The following PLEKHG3 variants were observed in gnomAD, a reference collection of about 807,000 sequenced individuals.
The protein encoded by PLEKHG3 is pleckstrin homology domain-containing family G member 3.
In PLEKHG3, 62 loss-of-function variants were observed where a neutral mutation model predicts 94.9. That is an observed-to-expected ratio of 0.65 (90% CI 0.53 to 0.81). PLEKHG3 has a LOEUF of 0.81. PLEKHG3 is among the 30% of genes least tolerant of loss of function. PLEKHG3 has a pLI of 0.00. For missense variants in PLEKHG3, 1,461 were observed against 1,619.3 expected (o/e 0.90, Z 1.68); for synonymous variants, 614 against 654.0 (o/e 0.94, Z 0.93).
Position 64,742,161 on chromosome 14 carries a change from C to T in PLEKHG3, c.2644C>T (p.Arg882Trp), listed in dbSNP as rs150951361. The change falls in exon 16 of 17, where the codon CGG becomes TGG. Residue 882 changes from arginine to tryptophan, a missense_variant. Coordinates refer to ENST00000247226, the MANE Select transcript of PLEKHG3 (RefSeq NM_001308147.2). ...GGGGCGCAGCCCGGCCCACCTGGCC[C>T]GGGAGCTGAAAGAGCTGGTGAAGGA... ...TEGRSPAHLA[R>W]ELKELVKELS... is the part of the protein sequence containing the mutation. The T allele has an allele frequency of 6.8e-5, 110 of 1,612,258 alleles. No homozygotes were observed. In the East Asian group the frequency reaches 7.6e-4, roughly 11 times the overall value.
At chr14:64,714,363 G>T (rs2081105229) in intron 1 of PLEKHG3, among the ~76,000 whole-genome samples, 1 of 152,184 alleles carries the variant, frequency 6.6e-6, no homozygotes, top group Non-Finnish European at 1.5e-5. Flanking sequence ...TTACAATACA[G>T]GTCTCTCTGC....
chr14:64,733,084 G>A (rs147163123), intron 12 of PLEKHG3, among the ~76,000 whole-genome samples, 183 bp downstream of exon 12: 97 of 150,772 alleles, frequency 6.4e-4, no homozygotes, highest in Non-Finnish European at 1.3e-3. Flanking sequence ...CCCCACACCA[G>A]GTACCCCTGG....
In PLEKHG3 at chr14:64,741,745, C is replaced by A; in HGVS notation, c.2228C>A (p.Ser743Tyr). ...AGCGTCCGTCGCCGGGAGAGCCTCT[C>A]CTACATCCCCAAAGGACTGGTAAGA... ...GFSVRRRESL[S>Y]YIPKGLVRNS... is the part of the protein sequence containing the mutation. The change falls in exon 16 of 17, where the codon TCC becomes TAC. Residue 743 changes from serine to tyrosine, a missense_variant. Physicochemically the swap from Ser to Tyr is moderately radical, Grantham distance 144 (BLOSUM62 -2). Coordinates refer to ENST00000247226, the MANE Select transcript of PLEKHG3 (RefSeq NM_001308147.2). 1 of 1,613,188 alleles carries A rather than the reference C, an allele frequency of 6.2e-7. No individual in the cohort carries two copies. The highest frequency in any genetic ancestry group is 8.5e-7 in the Non-Finnish European group (1 of 1,180,032).
Position 64,726,905 on chromosome 14 carries a change from T to C in PLEKHG3, c.-39-688T>C, listed in dbSNP as rs900634511. On this transcript the variant is annotated intron_variant, in intron 1 of 16. Transcript: ENST00000247226. The surrounding 1 kb of genome is among the most constrained non-coding windows in gnomAD (Gnocchi z 5.1). ...CTTAGGGAGAATATTACCCCTGTTA[T>C]GTGTCTTGTCTTAACATTGTAAGAA... Among the ~76,000 whole-genome samples the C allele has an allele frequency of 2.6e-5, 4 of 152,196 alleles. No homozygotes were observed. The highest frequency in any genetic ancestry group is 2.0e-4 in the Admixed American group (3 of 15,288).
intron 12 of PLEKHG3, among the ~76,000 whole-genome samples, chr14:64,733,138 T>TTTTTCTTTTC (rs146131753): frequency 4.7e-5 from 7 of 150,468 alleles, no homozygotes; most frequent in African/African-American, 1.2e-4. Context: ...TTTTCTTACT[T>TTTTTCTTTTC]TTTTCTTTTC....
Position 64,739,343 on chromosome 14 carries a change from C to T in PLEKHG3, c.1518+488C>T, listed in dbSNP as rs1412198102. ...GAAAAGGGCACTGAGTGGTTGATGG[C>T]GTGCCTAACACTGAGCAGCTTCTGA... On this transcript the variant is annotated intron_variant, in intron 15 of 16. Coordinates refer to ENST00000247226, the MANE Select transcript of PLEKHG3 (RefSeq NM_001308147.2). The surrounding 1 kb of genome is among the most constrained non-coding windows in gnomAD (Gnocchi z 4.1). Among the ~76,000 whole-genome samples, 1 of 152,170 alleles carries T rather than the reference C, an allele frequency of 6.6e-6. No homozygotes were observed. The highest frequency in any genetic ancestry group is 1.5e-5 in the Non-Finnish European group (1 of 68,034).
At position 64,738,566 on chromosome 14, in the gene PLEKHG3, G is replaced by A. The variant is rs999666910; in HGVS notation, c.1405-176G>A. On this transcript the variant is annotated intron_variant, in intron 14 of 16. Transcript: ENST00000247226. The surrounding 1 kb of genome is among the most constrained non-coding windows in gnomAD (Gnocchi z 4.8). The stretch of plus-strand genomic sequence containing the variant: ...TTTTTGAAGCTGCATGCCTGACAAG[G>A]CTTTCCGCAGCCCCAGGCCTGGCAG... 2.0e-5 allele frequency among the ~76,000 whole-genome samples: 3 copies of A among 152,222 alleles called. No homozygotes were observed. Among genetic ancestry groups the A allele is most frequent in the African/African-American group, 7.2e-5 (3 of 41,446 alleles).
At chr14:64,737,226 G>T (rs1475725177) in intron 13 of PLEKHG3, 130 bp from the exon 14 acceptor site, 3 of 730,222 alleles carry the variant, frequency 4.1e-6, no homozygotes, top group East Asian at 5.3e-5. Context: ...AGGGTTCTGG[G>T]AGCAGGAGCC....
In PLEKHG3 at chr14:64,750,163, A is replaced by G; in HGVS notation, c.*6460A>G. 1 of 1,609,272 alleles carries G rather than the reference A, an allele frequency of 6.2e-7. No homozygotes were observed. On this transcript the variant is annotated 3_prime_UTR_variant, in exon 17 of 17. Transcript: ENST00000247226. Reference sequence around the variant, plus strand: ...ACAGGTTGTTCCAGGACCTGCAAAGATGCAGACAGGCAGGTCACCCACATC... The same window carrying G: ...ACAGGTTGTTCCAGGACCTGCAAAGGTGCAGACAGGCAGGTCACCCACATC...
In PLEKHG3 at chr14:64,745,538, G is replaced by T. The variant is rs1003444828; in HGVS notation, c.*1835G>T. The T allele has an allele frequency of 2.0e-5, 3 of 152,428 alleles. No homozygotes were observed. The highest frequency in any genetic ancestry group is 4.8e-5 in the African/African-American group (2 of 41,458). 9.4% of individuals were successfully genotyped at this position (152,428 alleles called of 1,614,324 possible). A position where few individuals can be genotyped will look rare whatever the true frequency, so the allele number is the denominator to read the frequency against. The stretch of plus-strand genomic sequence containing the variant: ...CGCAGTGGTGCAATCTTGGCTCACT[G>T]CAACCTCCGCCTCCCTGACCCTCAC... On this transcript the variant is annotated 3_prime_UTR_variant, in exon 17 of 17. Transcript: ENST00000247226. The surrounding 1 kb of genome is among the most constrained non-coding windows in gnomAD (Gnocchi z 5.0).
chr14:64,746,548 G>A lies in PLEKHG3; in HGVS notation c.*2845G>A, dbSNP rs1320093183. The A allele has an allele frequency of 6.6e-6, 1 of 152,614 alleles. No homozygotes were observed. Among genetic ancestry groups the A allele is most frequent in the East Asian group, 1.9e-4 (1 of 5,188 alleles). 9.5% of individuals were successfully genotyped at this position (152,614 alleles called of 1,614,324 possible). On this transcript the variant is annotated 3_prime_UTR_variant, in exon 17 of 17. Coordinates refer to ENST00000247226, the MANE Select transcript of PLEKHG3 (RefSeq NM_001308147.2). The surrounding 1 kb of genome is among the most constrained non-coding windows in gnomAD (Gnocchi z 4.9). Reference sequence around the variant, plus strand: ...TGCCCCCCTCCCATGAAGGGAGGAAGAGGATTCAGGGTCAGCCTAGGGGAC... The same window carrying A: ...TGCCCCCCTCCCATGAAGGGAGGAAAAGGATTCAGGGTCAGCCTAGGGGAC...
Position 64,723,564 on chromosome 14 carries a change from G to A in PLEKHG3, c.-39-4029G>A, listed in dbSNP as rs1423632758. Among the ~76,000 whole-genome samples the A allele has an allele frequency of 6.6e-6, 1 of 151,782 alleles. No individual in the cohort carries two copies. Among genetic ancestry groups the A allele is most frequent in the Non-Finnish European group, 1.5e-5 (1 of 67,934 alleles). ...CACCCAGGCTGGAGTACAGTGGCGC[G>A]ATCTCAGCTCACTGAAACATCTGCC... On this transcript the variant is annotated intron_variant, in intron 1 of 16. Transcript: ENST00000247226. This position sits in a 1 kb window ranked among gnomAD's most constrained non-coding sequence, Gnocchi z 4.5.
rs1011045970 is a variant in PLEKHG3 at position 64,739,097 on chromosome 14, A to G, written c.1518+242A>G. 3.3e-5 allele frequency among the ~76,000 whole-genome samples: 5 copies of G among 152,192 alleles called. No homozygotes were observed. The highest frequency in any genetic ancestry group is 1.9e-4 in the East Asian group (1 of 5,196). ...CTCCCCTTTGGGCAGATGCAGTCCCATGTCAAGGGCACGCAGCTAGTGGAA... is the reference window on the plus strand; with the variant it reads ...CTCCCCTTTGGGCAGATGCAGTCCCGTGTCAAGGGCACGCAGCTAGTGGAA... On this transcript the variant is annotated intron_variant, in intron 15 of 16. Coordinates refer to ENST00000247226, the MANE Select transcript of PLEKHG3 (RefSeq NM_001308147.2). The surrounding 1 kb of genome is among the most constrained non-coding windows in gnomAD (Gnocchi z 4.1).
intron 1 of PLEKHG3, among the ~76,000 whole-genome samples, chr14:64,719,211 G>A (rs1212607946): frequency 4.6e-5 from 7 of 152,152 alleles, no homozygotes; most frequent in Non-Finnish European, 8.8e-5. Context: ...AGGTCATGCT[G>A]GTTCACCAAG....
rs773313675 is a variant in PLEKHG3 at position 64,741,417 on chromosome 14, C to CTGGTCAGCCGGAGCAGCAGCG, written c.1903_1923dup (p.Val635_Val641dup). 4.5e-5 allele frequency: 72 copies of CTGGTCAGCCGGAGCAGCAGCG among 1,612,902 alleles called. No individual in the cohort carries two copies. In the African/African-American group the frequency reaches 8.0e-4, roughly 18 times the overall value. On this transcript the variant is annotated inframe_insertion, in exon 16 of 17. Coordinates refer to ENST00000247226, the MANE Select transcript of PLEKHG3 (RefSeq NM_001308147.2). The stretch of plus-strand genomic sequence containing the variant: ...GTCCAGTGGCTTTGGGAGCCCGCGG[C>CTGGTCAGCCGGAGCAGCAGCG]TGGTCAGCCGGAGCAGCAGCGTGCT...
chr14:64,729,721 G>A lies in PLEKHG3; in HGVS notation c.450-522G>A, dbSNP rs559062676. Among the ~76,000 whole-genome samples, 160 of 152,276 alleles carry A rather than the reference G, an allele frequency of 1.1e-3. 3 individuals carry two copies. In the South Asian group the frequency reaches 0.033, roughly 31 times the overall value. Reference sequence around the variant, plus strand: ...GGCAGAGGGAGCTCTGGCTGTGTAAGCTGGAGAAGTCTGGGAGGGCAGGGT... The same window carrying A: ...GGCAGAGGGAGCTCTGGCTGTGTAAACTGGAGAAGTCTGGGAGGGCAGGGT... On this transcript the variant is annotated intron_variant, in intron 3 of 16. Transcript: ENST00000247226.
rs758408302 is a variant in PLEKHG3, at chr14:64,727,404, G to A, written c.-39-189G>A. 4.5e-4 allele frequency among the ~76,000 whole-genome samples: 68 copies of A among 152,142 alleles called. No homozygotes were observed. Among genetic ancestry groups the A allele is most frequent in the Non-Finnish European group, 7.5e-4 (51 of 68,020 alleles). On this transcript the variant is annotated intron_variant, in intron 1 of 16. Coordinates refer to ENST00000247226, the MANE Select transcript of PLEKHG3 (RefSeq NM_001308147.2). The surrounding 1 kb of genome is among the most constrained non-coding windows in gnomAD (Gnocchi z 6.0). Reference sequence around the variant, plus strand: ...TAAGTGTACAGTTCAGTGACAGTAGGTACATTCATATCATTGTGCAATGTC... The same window carrying A: ...TAAGTGTACAGTTCAGTGACAGTAGATACATTCATATCATTGTGCAATGTC...
At chr14:64,736,309 G>A (rs931590576) in intron 12 of PLEKHG3, among the ~76,000 whole-genome samples, 18 of 152,224 alleles carry the variant, frequency 1.2e-4, no homozygotes, top group Admixed American at 9.2e-4. Context: ...CCGTACAGCC[G>A]GGCAACTCTC....
Position 64,716,580 on chromosome 14 carries a change from G to T in PLEKHG3, c.-39-11013G>T, listed in dbSNP as rs2081167089. 7.0e-6 allele frequency among the ~76,000 whole-genome samples: 1 copy of T among 142,208 alleles called. No individual in the cohort carries two copies. Among genetic ancestry groups the T allele is most frequent in the South Asian group, 2.2e-4 (1 of 4,542 alleles). 93.3% of individuals were successfully genotyped at this position (142,208 alleles called of 152,430 possible). ...CAGAGTTAATCTCCCACTTCTTCCT[G>T]ATGTTTCCTTTTCCCAGAATCCACA... On this transcript the variant is annotated intron_variant, in intron 1 of 16. Coordinates refer to ENST00000247226, the MANE Select transcript of PLEKHG3 (RefSeq NM_001308147.2). This position sits in a 1 kb window ranked among gnomAD's most constrained non-coding sequence, Gnocchi z 5.0.
Sources: gnomAD v4.1 joint callset for allele counts (sites outside exome capture counted in the v4.1 genomes callset) on GRCh38, gnomAD v4.1.1 for gene constraint, Gnocchi (gnomAD v3.1) non-coding constraint, MANE v1.5 for transcripts, NCBI Gene and HGNC (gene_info 2026-07-23, HGNC 2026-07-21) for gene names.